The following CYP2W1 variants were observed in gnomAD, a reference collection of about 807,000 sequenced individuals.
CYP2W1 encodes cytochrome P450 2W1.
A neutral mutation model predicts 44.9 loss-of-function variants in CYP2W1; 51 were observed. That is an observed-to-expected ratio of 1.14 (90% CI 0.91 to 1.43). CYP2W1 has a LOEUF of 1.43. Ranked by LOEUF, CYP2W1 falls within the 40% of genes most tolerant of loss-of-function variation. The pLI is 0.00. For missense variants in CYP2W1, 746 were observed against 700.0 expected (o/e 1.07, Z -0.74); for synonymous variants, 383 against 338.3 (o/e 1.13, Z -1.45).
At position 987,708 on chromosome 7, in the gene CYP2W1, A is replaced by C. The variant is rs111535602; in HGVS notation, c.1143+177A>C. On this transcript the variant is annotated intron_variant, in intron 7 of 8. Coordinates refer to ENST00000308919, the MANE Select transcript of CYP2W1 (RefSeq NM_017781.3). ...GAGGGAGGCAGCCCTCTCACCCCAC[A>C]GCCCAGCACTTGGCCTGGCCAGCAG... Among the ~76,000 whole-genome samples the C allele has an allele frequency of 3.2e-3, 486 of 152,312 alleles. 3 individuals are homozygous for C. The highest frequency in any genetic ancestry group is 0.011 in the African/African-American group (466 of 41,578).
Position 989,009 on chromosome 7 carries a change from T to C in CYP2W1, c.*187T>C. ...ACCCAGGACTACCCCTGCCCGACCC[T>C]GTGGGACCCCCACCCCTCTGATGCT... On this transcript the variant is annotated 3_prime_UTR_variant, in exon 9 of 9. Transcript: ENST00000308919. 1 of 537,532 alleles carries C rather than the reference T, an allele frequency of 1.9e-6. No individual in the cohort carries two copies. Among genetic ancestry groups the C allele is most frequent in the South Asian group, 2.7e-5 (1 of 37,046 alleles). The allele number at this position is 537,532 out of a possible 1,614,324, so 33.3% of individuals were successfully genotyped here. A position where few individuals can be genotyped will look rare whatever the true frequency, so the allele number is the denominator to read the frequency against.
intron 1 of CYP2W1, among the ~76,000 whole-genome samples, chr7:983,664 G>A (rs886923940): frequency 2.6e-5 from 4 of 152,226 alleles, no homozygotes; most frequent in Admixed American, 6.5e-5. Context: ...AGGCGGTGGC[G>A]TCTGCTGAGA....
intron 1 of CYP2W1, among the ~76,000 whole-genome samples, chr7:984,116 C>T (rs1848136267): frequency 6.6e-6 from 1 of 152,208 alleles, no homozygotes; most frequent in African/African-American, 2.4e-5. Flanking sequence ...AGACAGCCAG[C>T]CCCCGACCTT....
chr7:984,053 G>C (rs1583222172), intron 1 of CYP2W1, among the ~76,000 whole-genome samples: 2 of 152,224 alleles, frequency 1.3e-5, no homozygotes, highest in East Asian at 1.9e-4. Flanking sequence ...GGCCGAGCCT[G>C]TCAGGCCCTC....
chr7:986,753 G>A lies in CYP2W1; in HGVS notation c.775G>A (p.Asp259Asn), dbSNP rs1444488707. The stretch of plus-strand genomic sequence containing the variant: ...GCGGAGGCCCCACGTGTGCCCGGGG[G>A]ACCCCGTGTGCAGCTATGTGGACGC... ...EARRPHVCPGDPVCSYVDALI... is the reference protein window; with the variant it reads ...EARRPHVCPGNPVCSYVDALI... The change falls in exon 5 of 9, where the codon GAC (aspartate) becomes AAC (asparagine). Residue 259 changes from aspartate to asparagine, a missense_variant. By Grantham distance (23) the Asp-to-Asn change is conservative. Coordinates refer to ENST00000308919, the MANE Select transcript of CYP2W1 (RefSeq NM_017781.3). 2 of 1,605,018 alleles carry A rather than the reference G, an allele frequency of 1.2e-6. No individual in the cohort carries two copies. Among genetic ancestry groups the A allele is most frequent in the Non-Finnish European group, 8.5e-7 (1 of 1,175,726 alleles).
At chr7:984,907 G>C in intron 2 of CYP2W1, 43 bp from the exon 3 acceptor site, 1 of 1,538,278 alleles carries the variant, frequency 6.5e-7, no homozygotes, top group South Asian at 1.2e-5. Flanking sequence ...GGGGCTGGCT[G>C]GGGTGGGAAC....
At position 983,253 on chromosome 7, in the gene CYP2W1, C is replaced by T; in HGVS notation, c.42C>T (p.Leu14=). Residue 14 remains leucine (L), a synonymous_variant, in exon 1 of 9, where the codon CTC becomes CTT. Transcript: ENST00000308919. ...TGCTGTTCCTGGGCCTCCTGGGGCTCTGGGGGCTGCTCTGCGCCTGCGCCC... is the reference window on the plus strand; with the variant it reads ...TGCTGTTCCTGGGCCTCCTGGGGCTTTGGGGGCTGCTCTGCGCCTGCGCCC... ...LLLLFLGLLG[L]WGLLCACAQD... is the part of the protein sequence containing the mutation. 5.9e-6 allele frequency: 9 copies of T among 1,536,566 alleles called. No individual in the cohort carries two copies. The highest frequency in any genetic ancestry group is 7.0e-6 in the Non-Finnish European group (8 of 1,139,282).
chr7:987,656 C>T (rs1848472062), intron 7 of CYP2W1, 125 bp downstream of exon 7: 2 of 947,690 alleles, frequency 2.1e-6, no homozygotes, highest in Non-Finnish European at 3.0e-6. Context: ...CGACCGGAGG[C>T]AATAAAGGGC....
rs555261421 is a variant in CYP2W1, at chr7:983,504, G to A, written c.174+119G>A. The A allele has an allele frequency of 1.3e-4, 135 of 1,057,128 alleles. 1 individual carries two copies. The African/African-American group carries it at 1.8e-3, about 14-fold the overall frequency. The allele number at this position is 1,057,128 out of a possible 1,614,324, so 65.5% of individuals were successfully genotyped here. ...GTTCCCACATGGTGCCGGGCCCAGC[G>A]GGGCACGCAGGAGGCCGGAGGGCCC... On this transcript the variant is annotated intron_variant, in intron 1 of 8. Transcript: ENST00000308919.
At chr7:985,449 C>T in intron 4 of CYP2W1, 126 bp downstream of exon 4, 1 of 1,106,706 alleles carries the variant, frequency 9.0e-7, no homozygotes, top group South Asian at 1.6e-5. Context: ...CAAAAGGAAT[C>T]AGATGCAAGG....
rs1473981848 is a variant in CYP2W1 at position 989,277 on chromosome 7, C to T, written c.*455C>T. ...ACTCCTGCAGACCCCACTCCATTCC[C>T]GCTCCTGGAACACTTCCTGCAGCTG... On this transcript the variant is annotated 3_prime_UTR_variant, in exon 9 of 9. Coordinates refer to ENST00000308919, the MANE Select transcript of CYP2W1 (RefSeq NM_017781.3). 2.9e-5 allele frequency: 5 copies of T among 173,496 alleles called. No individual in the cohort carries two copies. The highest frequency in any genetic ancestry group is 1.8e-4 in the South Asian group (1 of 5,474). The allele number at this position is 173,496 out of a possible 1,614,324, so 10.7% of individuals were successfully genotyped here.
chr7:985,623 G>A (rs1355747659), intron 4 of CYP2W1, among the ~76,000 whole-genome samples: 1 of 152,150 alleles, frequency 6.6e-6, no homozygotes, highest in Non-Finnish European at 1.5e-5. Context: ...CCCCAGAATT[G>A]CGGGGGGCTC....
intron 6 of CYP2W1, 21 bp downstream of exon 6, chr7:987,266 G>A (rs772035855): frequency 1.9e-5 from 29 of 1,505,424 alleles, no homozygotes; most frequent in South Asian, 3.7e-5. Context: ...GGCGCCTGGC[G>A]AGACGGCTCC....
At position 989,068 on chromosome 7, in the gene CYP2W1, C is replaced by G; in HGVS notation, c.*246C>G. 2.2e-6 allele frequency: 1 copy of G among 459,346 alleles called. No homozygotes were observed. Among genetic ancestry groups the G allele is most frequent in the Non-Finnish European group, 3.9e-6 (1 of 259,558 alleles). The allele number at this position is 459,346 out of a possible 1,614,324, so 28.5% of individuals were successfully genotyped here. A position where few individuals can be genotyped will look rare whatever the true frequency, so the allele number is the denominator to read the frequency against. On this transcript the variant is annotated 3_prime_UTR_variant, in exon 9 of 9. Transcript: ENST00000308919. ...CTCAGTCCCTGCCAGCCCCCAGGAG[C>G]GCCTCCAGGGCCCCGCCCACTCTCC...
chr7:984,799 C>A, intron 2 of CYP2W1, 151 bp from the exon 3 acceptor site: 1 of 1,238,230 alleles, frequency 8.1e-7, no homozygotes, highest in Non-Finnish European at 1.1e-6. Flanking sequence ...CAAGAGGGGC[C>A]AGGGCCAGCC....
Position 983,206 on chromosome 7 carries a change from G to A in CYP2W1, c.-6G>A, listed in dbSNP as rs200956100. ...AGGGGAGTGGAGCCTCACCAGCCAC[G>A]TCCTCATGGCCCTGCTGCTCTTGCT... On this transcript the variant is annotated 5_prime_UTR_variant, in exon 1 of 9. Coordinates refer to ENST00000308919, the MANE Select transcript of CYP2W1 (RefSeq NM_017781.3). The A allele has an allele frequency of 2.0e-6, 3 of 1,491,452 alleles. No homozygotes were observed. The highest frequency in any genetic ancestry group is 2.6e-5 in the East Asian group (1 of 38,470). The allele number at this position is 1,491,452 out of a possible 1,614,324, so 92.4% of individuals were successfully genotyped here.
At position 988,286 on chromosome 7, in the gene CYP2W1, G is replaced by A. The variant is rs752381534; in HGVS notation, c.1153G>A (p.Val385Met). Residue 385 changes from valine (V) to methionine (M), a missense_variant, in exon 8 of 9, where the codon GTG becomes ATG. By Grantham distance (21) the Val-to-Met change is conservative (BLOSUM62 1). Transcript: ENST00000308919. ...GGFLLPKGTP[V>M]IPLLTSVLLD... is the part of the protein sequence containing the mutation. ...CCGGCTGCCCCCACAGGGCACGCCC[G>A]TGATTCCCCTGCTGACCTCGGTGCT... is the stretch of plus-strand genomic sequence containing the variant. 41 of 1,592,436 alleles carry A rather than the reference G, an allele frequency of 2.6e-5. No individual in the cohort carries two copies. In the Admixed American group the frequency reaches 3.4e-4, roughly 13 times the overall value.
At position 989,152 on chromosome 7, in the gene CYP2W1, A is replaced by G. The variant is rs1848630955; in HGVS notation, c.*330A>G. ...CCCCCCAGGGCCCCCCAGCACCTAC[A>G]GCTGGGGCTGCAGGGAGACAACGGG... On this transcript the variant is annotated 3_prime_UTR_variant, in exon 9 of 9. Coordinates refer to ENST00000308919, the MANE Select transcript of CYP2W1 (RefSeq NM_017781.3). 2 of 348,386 alleles carry G rather than the reference A, an allele frequency of 5.7e-6. No homozygotes were observed. Among genetic ancestry groups the G allele is most frequent in the East Asian group, 4.4e-5 (1 of 22,700 alleles). 21.6% of individuals were successfully genotyped at this position (348,386 alleles called of 1,614,324 possible).
chr7:984,712 G>A, intron 2 of CYP2W1, 138 bp downstream of exon 2: 1 of 1,300,422 alleles, frequency 7.7e-7, no homozygotes, highest in South Asian at 1.4e-5. Context: ...CTCCGGGCTG[G>A]TGCTGAGAAG....
Sources: allele counts gnomAD v4.1 joint callset (sites outside exome capture counted in the v4.1 genomes callset), GRCh38; gene constraint gnomAD v4.1.1; transcripts MANE v1.5; gene names NCBI Gene and HGNC (gene_info 2026-07-23, HGNC 2026-07-21).